EDC3: variants seen among roughly 807,000 people sequenced by gnomAD.
The protein encoded by EDC3 is enhancer of mRNA-decapping protein 3.
EDC3 carries 20 observed loss-of-function variants against 41.8 expected under a neutral mutation model. That is an observed-to-expected ratio of 0.48 (90% CI 0.34 to 0.70). The LOEUF (loss-of-function observed/expected upper bound fraction) is 0.70, where lower values mean the gene tolerates loss of function less well. Among genes scored for constraint, EDC3 ranks in the 30% least tolerant of loss-of-function variants. The pLI is 0.01. For synonymous variants in EDC3, 206 were observed against 243.2 expected, an observed-to-expected ratio of 0.85 and a Z score of 1.42; for missense variants, 444 against 636.8, an observed-to-expected ratio of 0.70 and a Z score of 3.26.
intron 3 of EDC3, among the ~76,000 whole-genome samples, chr15:74,669,051 C>CATG (rs2062710308): frequency 6.6e-6 from 1 of 151,972 alleles, no homozygotes; most frequent in Non-Finnish European, 1.5e-5. Flanking sequence ...GCTTGGGCAA[C>CATG]ATGGCATTAT....
chr15:74,635,422 C>G lies in EDC3; in HGVS notation c.1179G>C (p.Val393=), dbSNP rs759290184. 2 of 1,614,120 alleles carry G rather than the reference C, an allele frequency of 1.2e-6. No individual in the cohort carries two copies. The highest frequency in any genetic ancestry group is 2.7e-5 in the African/African-American group (2 of 74,944). Residue 393 remains valine, a synonymous_variant, in exon 6 of 7, where the codon GTG becomes GTC. Transcript: ENST00000315127. ...SLFSKTQGQQ[V]SSLKDLPTSP... is the part of the protein sequence containing the mutation. ...CTAAGTGCTCACCTTTGAGGCTAGA[C>G]ACTTGTTGGCCTTGGGTCTTGCTGA...
chr15:74,635,018 T>C, intron 6 of EDC3: 1 of 462,420 alleles, frequency 2.2e-6, no homozygotes, highest in Admixed American at 2.3e-5. Flanking sequence ...ACATGCCTCC[T>C]TTCCCTGCTT....
Position 74,632,449 on chromosome 15 carries a change from A to T in EDC3, c.*163T>A. 1 of 861,332 alleles carries T rather than the reference A, an allele frequency of 1.2e-6. No homozygotes were observed. The highest frequency in any genetic ancestry group is 1.7e-6 in the Non-Finnish European group (1 of 574,588). 53.4% of individuals were successfully genotyped at this position (861,332 alleles called of 1,614,324 possible). A position where few individuals can be genotyped will look rare whatever the true frequency, so the allele number is the denominator to read the frequency against. ...CCAGTGGGAAAGACTTCCCTGGCTA[A>T]GAGCAAGTGACAGGTCAGTTTTAAG... On this transcript the variant is annotated 3_prime_UTR_variant, in exon 7 of 7. Coordinates refer to ENST00000315127, the MANE Select transcript of EDC3 (RefSeq NM_025083.5). The surrounding 1 kb of genome is among the most constrained non-coding windows in gnomAD (Gnocchi z 4.0).
At chr15:74,668,510 GAA>G (rs950506844) in intron 3 of EDC3, among the ~76,000 whole-genome samples, 2 of 152,052 alleles carry the variant, frequency 1.3e-5, no homozygotes, top group African/African-American at 4.8e-5. Flanking sequence ...TCTGCTAAAA[GAA>G]AAAAGATTTT....
At chr15:74,677,692 A>G (rs2062822472) in intron 1 of EDC3, among the ~76,000 whole-genome samples, 1 of 152,140 alleles carries the variant, frequency 6.6e-6, no homozygotes, top group Admixed American at 6.6e-5. Flanking sequence ...TTAATAAGGT[A>G]GTTTCTCACA....
chr15:74,645,573 G>GA (rs1373619049), intron 4 of EDC3, among the ~76,000 whole-genome samples: 1 of 144,094 alleles, frequency 6.9e-6, no homozygotes, highest in East Asian at 2.2e-4. Context: ...TTGGGGGGGG[G>GA]GGGGTGCCAG....
At chr15:74,681,358 C>T (rs1350502895) in intron 1 of EDC3, among the ~76,000 whole-genome samples, 4 of 151,634 alleles carry the variant, frequency 2.6e-5, no homozygotes, top group African/African-American at 7.3e-5. Context: ...TCACCATCTT[C>T]GCCAGGCTGG....
intron 5 of EDC3, chr15:74,639,481 G>A (rs1165232373): frequency 6.6e-6 from 1 of 152,258 alleles, no homozygotes; most frequent in Non-Finnish European, 1.5e-5. Context: ...GGGAGGCAGA[G>A]GCACGCAGAT....
chr15:74,638,630 G>C (rs2062305673), intron 5 of EDC3: 1 of 151,936 alleles, frequency 6.6e-6, no homozygotes, highest in Non-Finnish European at 1.5e-5. Context: ...CACTGCGCCT[G>C]GCCTAAGTTT....
chr15:74,635,980 G>A (rs2062268418), intron 5 of EDC3: 2 of 278,554 alleles, frequency 7.2e-6, no homozygotes, highest in African/African-American at 4.3e-5. Flanking sequence ...CTTCACTCCA[G>A]CAGGGCTGGT....
chr15:74,686,349 T>A (rs1462675650), intron 1 of EDC3, among the ~76,000 whole-genome samples: 2 of 143,532 alleles, frequency 1.4e-5, no homozygotes, highest in African/African-American at 5.3e-5. Context: ...TAGCCGGGCA[T>A]GGTGGTGCAT....
chr15:74,695,217 A>G (rs2063051655), intron 1 of EDC3: 1 of 151,864 alleles, frequency 6.6e-6, no homozygotes, highest in Non-Finnish European at 1.5e-5. Context: ...AGGCGAAGCA[A>G]TTGCTATTGG....
chr15:74,675,606 G>A (rs1486813394), intron 1 of EDC3, among the ~76,000 whole-genome samples: 7 of 145,136 alleles, frequency 4.8e-5, no homozygotes, highest in African/African-American at 5.1e-5. Context: ...TTTTTGAGAC[G>A]GAGTTTCACT....
Position 74,644,295 on chromosome 15 carries a change from T to A in EDC3, c.821-3676A>T, listed in dbSNP as rs55675304. ...GCCTCAAGAGACAGTTCGCTTCACA[T>A]GCTTTCTCCATCCCAACACTTTATT... is the stretch of plus-strand genomic sequence containing the variant. On this transcript the variant is annotated intron_variant, in intron 4 of 6. Transcript: ENST00000315127. 1,243 of 152,360 alleles carry A rather than the reference T, an allele frequency of 8.2e-3. 7 individuals carry two copies. The highest frequency in any genetic ancestry group is 0.031 in the Middle Eastern group (9 of 294). The allele number at this position is 152,360 out of a possible 1,614,324, so 9.4% of individuals were successfully genotyped here.
chr15:74,634,627 T>C (rs2062249349), intron 6 of EDC3, among the ~76,000 whole-genome samples: 1 of 152,162 alleles, frequency 6.6e-6, no homozygotes, highest in Non-Finnish European at 1.5e-5. Flanking sequence ...GCCAAAAACT[T>C]TGGAGCCATT....
intron 4 of EDC3, among the ~76,000 whole-genome samples, chr15:74,649,051 C>A (rs987590129): frequency 2.5e-4 from 38 of 150,988 alleles, no homozygotes; most frequent in African/African-American, 5.6e-4. Context: ...TACCATCACA[C>A]CCTGGCTAAT....
intron 1 of EDC3, among the ~76,000 whole-genome samples, chr15:74,678,200 A>C (rs1955067837): frequency 6.6e-6 from 1 of 152,172 alleles, no homozygotes; most frequent in Non-Finnish European, 1.5e-5. Flanking sequence ...AGAATGTACA[A>C]CACCAAGAGT....
At chr15:74,633,035 C>T in intron 6 of EDC3, 89 bp from the exon 7 acceptor site, 1 of 1,349,290 alleles carries the variant, frequency 7.4e-7, no homozygotes, top group Non-Finnish European at 1.0e-6. Flanking sequence ...CCAAGGGTGT[C>T]TTTGTTTTCC....
At chr15:74,649,479 T>C (rs1260291072) in intron 4 of EDC3, among the ~76,000 whole-genome samples, 1 of 152,102 alleles carries the variant, frequency 6.6e-6, no homozygotes, top group Non-Finnish European at 1.5e-5. Context: ...GCCCCTAAGG[T>C]GATGAACTAT....
Sources: allele counts gnomAD v4.1 joint callset (sites outside exome capture counted in the v4.1 genomes callset), GRCh38; gene constraint gnomAD v4.1.1; non-coding constraint Gnocchi (gnomAD v3.1); transcripts MANE v1.5; gene names NCBI Gene and HGNC (gene_info 2026-07-23, HGNC 2026-07-21).